KATNAL2: variants seen among roughly 807,000 people sequenced by gnomAD.
KATNAL2 encodes katanin p60 ATPase-containing subunit A-like 2.
Under a neutral mutation model 76.3 loss-of-function variants are expected in KATNAL2, and 52 were observed. That is an observed-to-expected ratio of 0.68 (90% CI 0.55 to 0.86). The LOEUF is 0.86. Ranked by LOEUF, KATNAL2 falls within the 40% of genes least tolerant of loss-of-function variation. The pLI is 0.00. For missense variants in KATNAL2, 660 were observed against 668.9 expected (o/e 0.99, Z 0.15); for synonymous variants, 243 against 244.2 (o/e 1.00, Z 0.05).
chr18:46,946,380 T>C lies in KATNAL2; in HGVS notation c.-186T>C, dbSNP rs1358516343. ...AAGTGTCCACAGCAGATTCGTCCAGTCTAGATAGACCATGCACAGAGAATT... is the reference window on the plus strand; with the variant it reads ...AAGTGTCCACAGCAGATTCGTCCAGCCTAGATAGACCATGCACAGAGAATT... On this transcript the variant is annotated 5_prime_UTR_variant, in exon 2 of 18. Coordinates refer to ENST00000683218, the MANE Select transcript of KATNAL2 (RefSeq NM_001387690.1). The C allele has an allele frequency of 9.6e-7, 1 of 1,038,434 alleles. No homozygotes were observed. Among genetic ancestry groups the C allele is most frequent in the Admixed American group, 5.1e-5 (1 of 19,486 alleles). The allele number at this position is 1,038,434 out of a possible 1,614,324, so 64.3% of individuals were successfully genotyped here. A position where few individuals can be genotyped will look rare whatever the true frequency, so the allele number is the denominator to read the frequency against.
intron 3 of KATNAL2, among the ~76,000 whole-genome samples, chr18:47,045,329 C>CTTT (rs10533284): frequency 7.2e-6 from 1 of 139,496 alleles, no homozygotes; most frequent in African/African-American, 2.6e-5. Context: ...CTTTTCTTTT[C>CTTT]TTTTTTTTTT....
At position 47,099,354 on chromosome 18, in the gene KATNAL2, G is replaced by C; in HGVS notation, c.1323G>C (p.Lys441Asn). The change falls in exon 16 of 18, where the codon AAG becomes AAC. Residue 441 changes from lysine (K) to asparagine (N), a missense_variant. Transcript: ENST00000683218. The stretch of plus-strand genomic sequence containing the variant: ...ACCACTGGCTGCCTCCTGTGAGCAA[G>C]AGCAGGGCCTTGGAGCTGCACACAG... ...MIYHWLPPVS[K>N]SRALELHTEL... 2 of 1,614,136 alleles carry C rather than the reference G, an allele frequency of 1.2e-6. No individual in the cohort carries two copies. The highest frequency in any genetic ancestry group is 1.7e-6 in the Non-Finnish European group (2 of 1,179,968).
intron 6 of KATNAL2, among the ~76,000 whole-genome samples, chr18:47,056,134 A>T (rs2061465371): frequency 6.6e-6 from 1 of 152,232 alleles, no homozygotes; most frequent in Non-Finnish European, 1.5e-5. Context: ...AATGTGATGG[A>T]TGACAGAAAT....
chr18:47,082,594 A>G (rs905094312), intron 15 of KATNAL2, among the ~76,000 whole-genome samples: 3 of 152,202 alleles, frequency 2.0e-5, no homozygotes, highest in African/African-American at 7.2e-5. Context: ...CAATCTTTTC[A>G]AATAAGTATA....
intron 15 of KATNAL2, among the ~76,000 whole-genome samples, chr18:47,092,360 A>G (rs2063037864): frequency 6.6e-6 from 1 of 152,046 alleles, no homozygotes; most frequent in African/African-American, 2.4e-5. Flanking sequence ...ATAGCCCAGC[A>G]TGGTGGCACA....
intron 3 of KATNAL2, among the ~76,000 whole-genome samples, chr18:46,953,109 T>G (rs960673296): frequency 2.0e-5 from 3 of 151,936 alleles, no homozygotes; most frequent in Non-Finnish European, 4.4e-5. Context: ...TTAGCCAGGA[T>G]GGTCTCGATC....
At position 47,078,310 on chromosome 18, in the gene KATNAL2, AC is replaced by A. The variant is rs34485206; in HGVS notation, c.1211+857del. On this transcript the variant is annotated intron_variant, in intron 15 of 17. Transcript: ENST00000683218. ...CTGTAGTGCATGCTAATTATCTGGG[AC>A]CCCCCCCAAACCAGAAGTCATTGAA... Among the ~76,000 whole-genome samples the A allele has an allele frequency of 5.0e-3, 760 of 150,888 alleles. 1 individual carries two copies. The highest frequency in any genetic ancestry group is 0.012 in the South Asian group (58 of 4,736).
intron 1 of KATNAL2, among the ~76,000 whole-genome samples, chr18:46,941,574 T>C (rs1331550071): frequency 6.6e-6 from 1 of 152,158 alleles, no homozygotes; most frequent in Non-Finnish European, 1.5e-5. Flanking sequence ...TTGAGCTCTA[T>C]TTTCGTATCC....
At chr18:46,955,492 G>A (rs1407453353) in intron 3 of KATNAL2, among the ~76,000 whole-genome samples, 1 of 151,532 alleles carries the variant, frequency 6.6e-6, no homozygotes, top group African/African-American at 2.4e-5. Context: ...CCAAAGTGCT[G>A]GAATTACAGG....
intron 15 of KATNAL2, chr18:47,084,282 A>G: frequency 1.4e-6 from 1 of 700,846 alleles, no homozygotes; most frequent in Non-Finnish European, 2.6e-6. Context: ...ATAGCAATGC[A>G]TGCATGTGAT....
At chr18:47,035,911 A>T (rs1264162527) in intron 3 of KATNAL2, among the ~76,000 whole-genome samples, 1 of 152,186 alleles carries the variant, frequency 6.6e-6, no homozygotes, top group Non-Finnish European at 1.5e-5. Flanking sequence ...TTTGCCTAGG[A>T]CTGATGTTGT....
chr18:47,080,868 T>C (rs938434485), intron 15 of KATNAL2, among the ~76,000 whole-genome samples: 1 of 152,230 alleles, frequency 6.6e-6, no homozygotes, highest in African/African-American at 2.4e-5. Context: ...TTGTCCACTT[T>C]AAAATTTTTC....
chr18:47,079,551 C>T (rs1187806985), intron 15 of KATNAL2, among the ~76,000 whole-genome samples: 2 of 152,066 alleles, frequency 1.3e-5, no homozygotes, highest in South Asian at 2.1e-4. Flanking sequence ...CCTGCCACCA[C>T]GCCCGGCTAA....
In KATNAL2 at chr18:47,084,802, T is replaced by C. The variant is rs751184372; in HGVS notation, c.1211+7341T>C. The stretch of plus-strand genomic sequence containing the variant: ...AGGTGGAGGTTGCAGTGAGTTGAGA[T>C]TGCACCACTGCACTCCAGCCTGGAT... On this transcript the variant is annotated intron_variant, in intron 15 of 17. Transcript: ENST00000683218. Among the ~76,000 whole-genome samples, 4 of 131,438 alleles carry C rather than the reference T, an allele frequency of 3.0e-5. No individual in the cohort carries two copies. In the East Asian group the frequency reaches 6.5e-4, roughly 21 times the overall value. 86.2% of individuals were successfully genotyped at this position (131,438 alleles called of 152,430 possible). A position where few individuals can be genotyped will look rare whatever the true frequency, so the allele number is the denominator to read the frequency against.
At chr18:46,946,694 G>C (rs2059389380) in intron 2 of KATNAL2, 148 bp downstream of exon 2, 9 of 1,053,286 alleles carry the variant, frequency 8.5e-6, no homozygotes, top group Non-Finnish European at 1.2e-5. Flanking sequence ...AACATGCATG[G>C]TCTAACATTG....
At chr18:47,081,792 T>C (rs543172040) in intron 15 of KATNAL2, among the ~76,000 whole-genome samples, 79 of 152,346 alleles carry the variant, frequency 5.2e-4, no homozygotes, top group African/African-American at 1.7e-3. Flanking sequence ...ATTTTGCTCC[T>C]AGAATCAGCC....
intron 15 of KATNAL2, among the ~76,000 whole-genome samples, chr18:47,085,607 C>G (rs939284379): frequency 6.6e-5 from 10 of 152,122 alleles, no homozygotes; most frequent in Non-Finnish European, 1.0e-4. Flanking sequence ...AACCCACCAA[C>G]TAGTCCCATG....
chr18:46,935,315 G>A (rs926332793), intron 1 of KATNAL2, among the ~76,000 whole-genome samples: 1 of 152,178 alleles, frequency 6.6e-6, no homozygotes, highest in East Asian at 1.9e-4. Context: ...GAGTCAGCTA[G>A]GAGGAGAAAC....
intron 3 of KATNAL2, among the ~76,000 whole-genome samples, chr18:46,959,187 T>G (rs1415412746): frequency 6.6e-6 from 1 of 152,216 alleles, no homozygotes; most frequent in Non-Finnish European, 1.5e-5. Context: ...CTATAAAAAA[T>G]GTGCAGTTCT....
Sources: allele counts gnomAD v4.1 joint callset (sites outside exome capture counted in the v4.1 genomes callset), GRCh38; gene constraint gnomAD v4.1.1; transcripts MANE v1.5; gene names NCBI Gene and HGNC (gene_info 2026-07-23, HGNC 2026-07-21).